TRIM42: variants seen among roughly 807,000 people sequenced by gnomAD.
TRIM42 encodes tripartite motif-containing protein 42.
In TRIM42, 59 loss-of-function variants were observed where a neutral mutation model predicts 64.9. The observed-to-expected ratio is 0.91, with a 90% CI of 0.74 to 1.13. TRIM42 has a LOEUF of 1.13. Among genes scored for constraint, TRIM42 ranks in the 50% most tolerant of loss-of-function variants. The probability of loss-of-function intolerance (pLI) is 0.00; values close to 1 mark genes in which losing one functional copy is unlikely to be tolerated. For synonymous variants in TRIM42, 354 were observed against 346.3 expected (o/e 1.02, Z -0.25); for missense variants, 878 against 929.5 (o/e 0.94, Z 0.72).
At chr3:140,679,107 G>T (rs1313243298) in intron 1 of TRIM42, among the ~76,000 whole-genome samples, 2 of 151,882 alleles carry the variant, frequency 1.3e-5, no homozygotes, top group Non-Finnish European at 2.9e-5. Flanking sequence ...TTTGTAATCT[G>T]TATGTGATAT....
At chr3:140,697,647 A>C (rs1462072218) in intron 4 of TRIM42, among the ~76,000 whole-genome samples, 1 of 152,158 alleles carries the variant, frequency 6.6e-6, no homozygotes, top group Non-Finnish European at 1.5e-5. Context: ...TATACAATGG[A>C]AATGCCACTT....
Position 140,688,156 on chromosome 3 carries a change from A to C in TRIM42, c.1474A>C (p.Thr492Pro). The C allele has an allele frequency of 6.2e-7, 1 of 1,614,094 alleles. No homozygotes were observed. ...LSSAIHELFPTGPKKVRSSGD... is the reference protein window; with the variant it reads ...LSSAIHELFPPGPKKVRSSGD... Reference sequence around the variant, plus strand: ...CAGTGCCATCCATGAGCTCTTCCCCACAGGGCCCAAGAAGGTACGCTCCTC... The same window carrying C: ...CAGTGCCATCCATGAGCTCTTCCCCCCAGGGCCCAAGAAGGTACGCTCCTC... Residue 492 changes from threonine to proline, a missense_variant, in exon 3 of 5, where the codon ACA (threonine) becomes CCA (proline). Physicochemically the swap from Thr to Pro is conservative, Grantham distance 38 (BLOSUM62 -1). Transcript: ENST00000286349.
intron 4 of TRIM42, among the ~76,000 whole-genome samples, chr3:140,699,933 T>C (rs183004770): frequency 2.1e-4 from 32 of 152,334 alleles, no homozygotes; most frequent in African/African-American, 7.5e-4. Context: ...TATACAAATA[T>C]AGAAGGTTAA....
intron 4 of TRIM42, 82 bp downstream of exon 4, chr3:140,691,274 T>G: frequency 8.5e-7 from 1 of 1,177,252 alleles, no homozygotes; most frequent in Non-Finnish European, 1.3e-6. Context: ...GATCGTGAGA[T>G]TATAGAACTC....
At position 140,678,279 on chromosome 3, in the gene TRIM42, G is replaced by C; in HGVS notation, c.50G>C (p.Cys17Ser). ...VCCPCCTWQR[C>S]CPQLCSCLCC... ...TGTCCATGTTGTACATGGCAGAGAT[G>C]TTGTCCTCAGTTATGCTCCTGTCTG... The change falls in exon 1 of 5, where the codon TGT (cysteine) becomes TCT (serine). Residue 17 changes from cysteine (C) to serine (S), a missense_variant. By Grantham distance (112) the Cys-to-Ser change is moderately radical (BLOSUM62 -1). Transcript: ENST00000286349. 6.2e-7 allele frequency: 1 copy of C among 1,614,190 alleles called. No individual in the cohort carries two copies. The highest frequency in any genetic ancestry group is 8.5e-7 in the Non-Finnish European group (1 of 1,180,034).
chr3:140,700,184 C>T (rs1053657501), intron 4 of TRIM42, among the ~76,000 whole-genome samples: 7 of 152,280 alleles, frequency 4.6e-5, no homozygotes, highest in African/African-American at 1.7e-4. Context: ...GCATGGAGGG[C>T]AACATCTAAG....
Position 140,688,442 on chromosome 3 carries a change from G to A in TRIM42, c.1760G>A (p.Ser587Asn), listed in dbSNP as rs774721963. The A allele has an allele frequency of 2.3e-5, 37 of 1,613,832 alleles. No individual in the cohort carries two copies. Among genetic ancestry groups the A allele is most frequent in the Non-Finnish European group, 1.1e-5 (13 of 1,179,828 alleles). ...AGADSQSVQN[S>N]SSFHNWYSFN... ...GCAGACAGCCAGTCTGTACAGAACAGCAGCAGCTTCCACAACTGGTACTCA... is the reference window on the plus strand; with the variant it reads ...GCAGACAGCCAGTCTGTACAGAACAACAGCAGCTTCCACAACTGGTACTCA... The change falls in exon 3 of 5, where the codon AGC becomes AAC. Residue 587 changes from serine to asparagine, a missense_variant. By Grantham distance (46) the Ser-to-Asn change is conservative. Coordinates refer to ENST00000286349, the MANE Select transcript of TRIM42 (RefSeq NM_152616.5).
chr3:140,678,203 G>C lies in TRIM42; in HGVS notation c.-27G>C. On this transcript the variant is annotated 5_prime_UTR_variant, in exon 1 of 5. Transcript: ENST00000286349. ...GTAGAGGAGGCATCAAGAGTCCTGG[G>C]AGGCCGGTGGTAATCATGTAGGCAC... The C allele has an allele frequency of 6.3e-7, 1 of 1,594,632 alleles. No individual in the cohort carries two copies. The highest frequency in any genetic ancestry group is 8.6e-7 in the Non-Finnish European group (1 of 1,165,492).
intron 1 of TRIM42, among the ~76,000 whole-genome samples, chr3:140,680,341 C>T (rs1317488778): frequency 6.6e-6 from 1 of 152,050 alleles, no homozygotes; most frequent in African/African-American, 2.4e-5. Context: ...ACTTGTCCTG[C>T]CTCACTCTGG....
intron 4 of TRIM42, among the ~76,000 whole-genome samples, chr3:140,700,438 G>A (rs1988968871): frequency 6.6e-6 from 1 of 152,084 alleles, no homozygotes; most frequent in Non-Finnish European, 1.5e-5. Flanking sequence ...AGAGATGAAA[G>A]ACTATCATTT....
At chr3:140,679,799 C>T (rs1419617559) in intron 1 of TRIM42, among the ~76,000 whole-genome samples, 1 of 152,072 alleles carries the variant, frequency 6.6e-6, no homozygotes, top group Non-Finnish European at 1.5e-5. Flanking sequence ...AGGAAAATGC[C>T]TTAGGCTCAG....
At chr3:140,693,223 T>C (rs1988766963) in intron 4 of TRIM42, among the ~76,000 whole-genome samples, 1 of 152,254 alleles carries the variant, frequency 6.6e-6, no homozygotes, top group African/African-American at 2.4e-5. Context: ...TGAAAGCTGT[T>C]AAGTGTTTTA....
intron 1 of TRIM42, among the ~76,000 whole-genome samples, chr3:140,681,186 T>G (rs1988384571): frequency 6.6e-6 from 1 of 152,224 alleles, no homozygotes. Context: ...ATGGAGAGCC[T>G]TAACACACAT....
chr3:140,680,403 CT>C (rs1988347025), intron 1 of TRIM42, among the ~76,000 whole-genome samples: 1 of 152,054 alleles, frequency 6.6e-6, no homozygotes, highest in South Asian at 2.1e-4. Flanking sequence ...TTTTTCACCC[CT>C]AACACAGCTC....
intron 1 of TRIM42, among the ~76,000 whole-genome samples, chr3:140,679,200 A>C (rs2107839807): frequency 6.6e-6 from 1 of 152,290 alleles, no homozygotes; most frequent in Admixed American, 6.5e-5. Flanking sequence ...TCTATGGGGC[A>C]CTTTTGACCC....
chr3:140,690,897 CA>C, intron 3 of TRIM42, 70 bp from the exon 4 acceptor site: 1 of 1,322,956 alleles, frequency 7.6e-7, no homozygotes, highest in Non-Finnish European at 1.1e-6. Context: ...GTCAACATCA[CA>C]AATCTTTAAG....
At chr3:140,690,159 G>A (rs1177343076) in intron 3 of TRIM42, among the ~76,000 whole-genome samples, 1 of 152,134 alleles carries the variant, frequency 6.6e-6, no homozygotes, top group Admixed American at 6.5e-5. Flanking sequence ...AGAAGATTAA[G>A]TTTATGTTAA....
chr3:140,680,464 T>G (rs2107840602), intron 1 of TRIM42, among the ~76,000 whole-genome samples: 1 of 152,210 alleles, frequency 6.6e-6, no homozygotes, highest in African/African-American at 2.4e-5. Context: ...TTTCTCATCC[T>G]CCAACACCTC....
chr3:140,699,215 C>T (rs1988931632), intron 4 of TRIM42, among the ~76,000 whole-genome samples: 1 of 152,132 alleles, frequency 6.6e-6, no homozygotes, highest in African/African-American at 2.4e-5. Flanking sequence ...CTTTTTAATA[C>T]AGTTTACTTC....
Sources: allele counts gnomAD v4.1 joint callset (sites outside exome capture counted in the v4.1 genomes callset), GRCh38; gene constraint gnomAD v4.1.1; transcripts MANE v1.5; gene names NCBI Gene and HGNC (gene_info 2026-07-23, HGNC 2026-07-21).